Variants in CSRNP2 observed in about 807,000 individuals in gnomAD.
The protein encoded by CSRNP2 is cysteine and serine rich nuclear protein 2.
A neutral mutation model predicts 36.6 loss-of-function variants in CSRNP2; 11 were observed. The ratio of observed to expected loss-of-function variants is 0.30; its 90% confidence interval spans 0.19 to 0.50. CSRNP2 has a LOEUF of 0.50. Among genes scored for constraint, CSRNP2 ranks in the 20% least tolerant of loss-of-function variants. CSRNP2 has a pLI of 0.98. For synonymous variants in CSRNP2, 248 were observed against 275.3 expected (o/e 0.90, Z 0.98); for missense variants, 483 against 691.4 (o/e 0.70, Z 3.38).
intron 3 of CSRNP2, among the ~76,000 whole-genome samples, chr12:51,071,465 T>C (rs1328150156): frequency 6.6e-6 from 1 of 151,240 alleles, no homozygotes; most frequent in Non-Finnish European, 1.5e-5. Flanking sequence ...AAGGGATTCC[T>C]CTTGACATAT....
In CSRNP2 at chr12:51,064,681, C is replaced by A; in HGVS notation, c.709-12G>T. 6.7e-7 allele frequency: 1 copy of A among 1,500,918 alleles called. No individual in the cohort carries two copies. The highest frequency in any genetic ancestry group is 1.4e-5 in the South Asian group (1 of 71,714). The allele number at this position is 1,500,918 out of a possible 1,614,324, so 93.0% of individuals were successfully genotyped here. ...GACATGCGATCCACCTGAGCGGGGA[C>A]AAGAAGGTTGGGGCAAGATGAGACC... On this transcript the variant is annotated splice_polypyrimidine_tract_variant and intron_variant, in intron 4 of 4. Coordinates refer to ENST00000228515, the MANE Select transcript of CSRNP2 (RefSeq NM_030809.3).
Position 51,072,393 on chromosome 12 carries a change from A to G in CSRNP2, c.411+1430T>C, listed in dbSNP as rs546343240. ...GCTAACATGGTGAAACCCCGTCTCT[A>G]TTAAAAATACAAAAAAAAAAATAGC... On this transcript the variant is annotated intron_variant, in intron 3 of 4. Transcript: ENST00000228515. Among the ~76,000 whole-genome samples the G allele has an allele frequency of 7.4e-5, 11 of 148,108 alleles. No individual in the cohort carries two copies. The South Asian group carries it at 8.9e-4, about 12-fold the overall frequency.
chr12:51,080,272 AGTATCTCC>A (rs1939591730), intron 1 of CSRNP2, among the ~76,000 whole-genome samples: 1 of 152,056 alleles, frequency 6.6e-6, no homozygotes, highest in Non-Finnish European at 1.5e-5. Context: ...GGCTTCTGGT[AGTATCTCC>A]GGTGAATATT....
At chr12:51,065,636 T>A (rs1327512589) in intron 4 of CSRNP2, among the ~76,000 whole-genome samples, 1 of 151,994 alleles carries the variant, frequency 6.6e-6, no homozygotes, top group Non-Finnish European at 1.5e-5. Context: ...ATTTTAAAAT[T>A]TTTTGTAGAG....
At chr12:51,068,207 G>A (rs910923454) in intron 3 of CSRNP2, among the ~76,000 whole-genome samples, 1 of 152,202 alleles carries the variant, frequency 6.6e-6, no homozygotes, top group African/African-American at 2.4e-5. Flanking sequence ...GTCCAGGCGG[G>A]AGTGCAGTGG....
intron 3 of CSRNP2, among the ~76,000 whole-genome samples, chr12:51,072,162 C>T (rs1180240503): frequency 6.6e-6 from 1 of 152,114 alleles, no homozygotes; most frequent in East Asian, 1.9e-4. Flanking sequence ...GAAACCTGGC[C>T]AGGCTTAAAC....
rs1309561209 is a variant in CSRNP2 at position 51,064,202 on chromosome 12, C to T, written c.1176G>A (p.Leu392=). Residue 392 remains leucine, a synonymous_variant, in exon 5 of 5, where the codon CTG becomes CTA. Transcript: ENST00000228515. The part of the protein sequence containing the change: ...QAQLPPGSSV[L]CFTENSDHPT... ...GGTGGTCTGAGTTCTCGGTAAAACA[C>T]AGGACAGAGGAGCCTGGGGGCAGCT... 3.1e-6 allele frequency: 5 copies of T among 1,614,162 alleles called. No individual in the cohort carries two copies. In the South Asian group the frequency reaches 4.4e-5, roughly 14 times the overall value.
rs760180966 is a variant in CSRNP2 at position 51,063,911 on chromosome 12, A to G, written c.1467T>C (p.Cys489=). 9 of 1,613,930 alleles carry G rather than the reference A, an allele frequency of 5.6e-6. No homozygotes were observed. Among genetic ancestry groups the G allele is most frequent in the Non-Finnish European group, 7.6e-6 (9 of 1,179,978 alleles). The change falls in exon 5 of 5, where the codon TGT becomes TGC. Residue 489 remains cysteine, a synonymous_variant. Coordinates refer to ENST00000228515, the MANE Select transcript of CSRNP2 (RefSeq NM_030809.3). ...CTTCATTTTCAGGCTCCTCAGGGTT[A>G]CAATCTTCGGGCAATAGAGCTTCTA... is the stretch of plus-strand genomic sequence containing the variant. The part of the protein sequence containing the change: ...PTLEALLPED[C]NPEEPENEDF...
Position 51,076,603 on chromosome 12 carries a change from C to T in CSRNP2, c.-42G>A, listed in dbSNP as rs1441477586. ...TCCTTGGGGAGCCCACCAAGTTGGCCCCAAAGCCCCTACTCACCACCAGCT... is the reference window on the plus strand; with the variant it reads ...TCCTTGGGGAGCCCACCAAGTTGGCTCCAAAGCCCCTACTCACCACCAGCT... On this transcript the variant is annotated 5_prime_UTR_variant, in exon 2 of 5. Coordinates refer to ENST00000228515, the MANE Select transcript of CSRNP2 (RefSeq NM_030809.3). 1 of 1,611,652 alleles carries T rather than the reference C, an allele frequency of 6.2e-7. No homozygotes were observed. The highest frequency in any genetic ancestry group is 8.5e-7 in the Non-Finnish European group (1 of 1,178,446).
chr12:51,068,261 G>C (rs543797661), intron 3 of CSRNP2, among the ~76,000 whole-genome samples: 1 of 152,104 alleles, frequency 6.6e-6, no homozygotes, highest in Non-Finnish European at 1.5e-5. Flanking sequence ...GGGTTCAAGC[G>C]ATTCTCCTGC....
At chr12:51,071,453 G>A (rs1592760944) in intron 3 of CSRNP2, among the ~76,000 whole-genome samples, 1 of 151,212 alleles carries the variant, frequency 6.6e-6, no homozygotes, top group African/African-American at 2.4e-5. Context: ...GTAAGGTAAA[G>A]CAAGGGATTC....
chr12:51,073,822 C>A lies in CSRNP2; in HGVS notation c.411+1G>T. 1 of 1,613,368 alleles carries A rather than the reference C, an allele frequency of 6.2e-7. No homozygotes were observed. ...CAGTAGATCCCAGAACACTTAGGCACCTTCATTTTCTTGGCATGGAGTTTC... is the reference window on the plus strand; with the variant it reads ...CAGTAGATCCCAGAACACTTAGGCAACTTCATTTTCTTGGCATGGAGTTTC... On this transcript the variant is annotated splice_donor_variant, in intron 3 of 4. Coordinates refer to ENST00000228515, the MANE Select transcript of CSRNP2 (RefSeq NM_030809.3). LOFTEE classifies it high-confidence loss of function.
At chr12:51,078,196 CTG>C (rs1939470459) in intron 1 of CSRNP2, among the ~76,000 whole-genome samples, 2 of 152,346 alleles carry the variant, frequency 1.3e-5, no homozygotes, top group Admixed American at 6.5e-5. Context: ...CTTTTCTGGA[CTG>C]TGTCTGTTGG....
chr12:51,066,921 G>A (rs1470264771), intron 4 of CSRNP2, among the ~76,000 whole-genome samples: 2 of 151,958 alleles, frequency 1.3e-5, no homozygotes, highest in Non-Finnish European at 1.5e-5. Context: ...ATGCCTCCCA[G>A]GCTCAAGTGA....
chr12:51,080,127 AGCAGGCAG>A (rs138392211), intron 1 of CSRNP2, among the ~76,000 whole-genome samples: 112 of 137,930 alleles, frequency 8.1e-4, no homozygotes, highest in East Asian at 3.4e-3. Context: ...GAAGAAGGCA[AGCAGGCAG>A]GCAGGCAGGC....
chr12:51,068,524 T>A (rs1475104782), intron 3 of CSRNP2, among the ~76,000 whole-genome samples: 1 of 152,102 alleles, frequency 6.6e-6, no homozygotes, highest in African/African-American at 2.4e-5. Flanking sequence ...AAATCCAGAG[T>A]GGGAAGATGG....
Position 51,064,638 on chromosome 12 carries a change from G to A in CSRNP2, c.740C>T (p.Ser247Phe). 1 of 1,532,860 alleles carries A rather than the reference G, an allele frequency of 6.5e-7. No homozygotes were observed. Among genetic ancestry groups the A allele is most frequent in the Non-Finnish European group, 8.8e-7 (1 of 1,138,378 alleles). 95.0% of individuals were successfully genotyped at this position (1,532,860 alleles called of 1,614,324 possible). A position where few individuals can be genotyped will look rare whatever the true frequency, so the allele number is the denominator to read the frequency against. ...VDRMSFPCGC[S>F]RDGCGNMAGR... Reference sequence around the variant, plus strand: ...TGCCATGTTCCCACAGCCATCCCGGGAGCAGCCACATGGAAAGGACATGCG... The same window carrying A: ...TGCCATGTTCCCACAGCCATCCCGGAAGCAGCCACATGGAAAGGACATGCG... Residue 247 changes from serine (S) to phenylalanine (F), a missense_variant, in exon 5 of 5, where the codon TCC (serine) becomes TTC (phenylalanine). Transcript: ENST00000228515.
At chr12:51,071,479 G>A (rs1939153264) in intron 3 of CSRNP2, among the ~76,000 whole-genome samples, 1 of 151,626 alleles carries the variant, frequency 6.6e-6, no homozygotes, top group East Asian at 2.0e-4. Flanking sequence ...GACATATAAA[G>A]ATAAGCCTGG....
At chr12:51,074,265 G>T (rs1592765099) in intron 2 of CSRNP2, among the ~76,000 whole-genome samples, 183 bp from the exon 3 acceptor site, 1 of 152,276 alleles carries the variant, frequency 6.6e-6, no homozygotes, top group East Asian at 1.9e-4. Flanking sequence ...TTACAGGCGT[G>T]TGTCACCACG....
Sources: allele counts gnomAD v4.1 joint callset (sites outside exome capture counted in the v4.1 genomes callset), GRCh38; gene constraint gnomAD v4.1.1; transcripts MANE v1.5; gene names NCBI Gene and HGNC (gene_info 2026-07-23, HGNC 2026-07-21).